The following TIMP2 variants were observed in gnomAD, a reference collection of about 807,000 sequenced individuals.
TIMP2 encodes metalloproteinase inhibitor 2.
A neutral mutation model predicts 24.3 loss-of-function variants in TIMP2; 5 were observed. The observed-to-expected ratio is 0.21, with a 90% CI of 0.11 to 0.43. The LOEUF (loss-of-function observed/expected upper bound fraction) is 0.43. Among genes scored for constraint, TIMP2 ranks in the 20% least tolerant of loss-of-function variants. The probability of loss-of-function intolerance (pLI) is 1.00; values close to 1 mark genes in which losing one functional copy is unlikely to be tolerated. For missense variants in TIMP2, 221 were observed against 297.5 expected (o/e 0.74, Z 1.89); for synonymous variants, 130 against 123.2 (o/e 1.06, Z -0.37).
chr17:78,871,666 G>A (rs886076827), intron 2 of TIMP2, among the ~76,000 whole-genome samples: 2 of 151,144 alleles, frequency 1.3e-5, no homozygotes, highest in East Asian at 4.0e-4. Context: ...CTAACATGGT[G>A]AAACCCTGTC....
Position 78,890,758 on chromosome 17 carries a change from G to A in TIMP2, c.131-16839C>T, listed in dbSNP as rs571031295. On this transcript the variant is annotated intron_variant, in intron 1 of 4. Coordinates refer to ENST00000262768, the MANE Select transcript of TIMP2 (RefSeq NM_003255.5). ...CTCGGATCATCTGACTGTGCCGGTC[G>A]TCGTCGGCGAGGCTGGTGCCCGATG... 1.4e-5 allele frequency: 21 copies of A among 1,550,628 alleles called. No homozygotes were observed. The Admixed American group carries it at 2.0e-4, about 14-fold the overall frequency.
At position 78,891,955 on chromosome 17, in the gene TIMP2, C is replaced by G. The variant is rs1008258771; in HGVS notation, c.131-18036G>C. 1.3e-6 allele frequency: 2 copies of G among 1,550,486 alleles called. No homozygotes were observed. The highest frequency in any genetic ancestry group is 2.7e-5 in the African/African-American group (2 of 73,040). Reference sequence around the variant, plus strand: ...AGTGCCTGGGGTGTTGCTGGCCCAACTCTTCCCTGCAACTCCTCTCTTCAC... The same window carrying G: ...AGTGCCTGGGGTGTTGCTGGCCCAAGTCTTCCCTGCAACTCCTCTCTTCAC... On this transcript the variant is annotated intron_variant, in intron 1 of 4. Coordinates refer to ENST00000262768, the MANE Select transcript of TIMP2 (RefSeq NM_003255.5). The surrounding 1 kb of genome is among the most constrained non-coding windows in gnomAD (Gnocchi z 4.5).
chr17:78,913,138 C>T (rs532763653), intron 1 of TIMP2, among the ~76,000 whole-genome samples: 7 of 152,254 alleles, frequency 4.6e-5, no homozygotes, highest in South Asian at 2.1e-4. Flanking sequence ...GTTTGCCAAC[C>T]GCTGGAAAAA....
rs536768759 is a variant in TIMP2, at chr17:78,874,146, A to G, written c.131-227T>C. The G allele has an allele frequency of 4.0e-5, 20 of 503,772 alleles. No individual in the cohort carries two copies. In the South Asian group the frequency reaches 5.7e-4, roughly 14 times the overall value. The allele number at this position is 503,772 out of a possible 1,614,324, so 31.2% of individuals were successfully genotyped here. On this transcript the variant is annotated intron_variant, in intron 1 of 4. Coordinates refer to ENST00000262768, the MANE Select transcript of TIMP2 (RefSeq NM_003255.5). Reference sequence around the variant, plus strand: ...CTCCTCCTCCTTCCACGATTCTTCAACAAGAATCCCTTCTTTGTTGACAGG... The same window carrying G: ...CTCCTCCTCCTTCCACGATTCTTCAGCAAGAATCCCTTCTTTGTTGACAGG...
chr17:78,855,727 A>G lies in TIMP2; in HGVS notation c.603T>C (p.Cys201=). The stretch of plus-strand genomic sequence containing the variant: ...GGGGCGCCGCGCCGCGGTACCACGC[A>G]CAGGAGCCGTCACTTCTCTTGATGC... ...FACIKRSDGS[C]AWYRGAAPPK... The change falls in exon 5 of 5, where the codon TGT becomes TGC. Residue 201 remains cysteine, a synonymous_variant. Coordinates refer to ENST00000262768, the MANE Select transcript of TIMP2 (RefSeq NM_003255.5). This position sits in a 1 kb window ranked among gnomAD's most constrained non-coding sequence, Gnocchi z 6.0. 1 of 1,614,176 alleles carries G rather than the reference A, an allele frequency of 6.2e-7. No individual in the cohort carries two copies.
chr17:78,874,238 T>C, intron 1 of TIMP2: 1 of 325,712 alleles, frequency 3.1e-6, no homozygotes. Context: ...GAGGCAGTCA[T>C]TGATTTGACT....
chr17:78,904,081 C>T (rs2070133249), intron 1 of TIMP2: 1 of 47,868 alleles, frequency 2.1e-5, no homozygotes, highest in Non-Finnish European at 4.2e-5. Flanking sequence ...CCACCATGCC[C>T]AGCTAATTTA....
rs188981011 is a variant in TIMP2 at position 78,853,609 on chromosome 17, C to T, written c.*2058G>A. The T allele has an allele frequency of 1.6e-4, 25 of 152,720 alleles. No homozygotes were observed. The highest frequency in any genetic ancestry group is 6.0e-4 in the African/African-American group (25 of 41,568). The allele number at this position is 152,720 out of a possible 1,614,324, so 9.5% of individuals were successfully genotyped here. A position where few individuals can be genotyped will look rare whatever the true frequency, so the allele number is the denominator to read the frequency against. On this transcript the variant is annotated 3_prime_UTR_variant, in exon 5 of 5. Transcript: ENST00000262768. ...AATGAAAGCAAAGATGCTCAAAGAA[C>T]CAAAGGAAAGACCTGAAGGAATCCA...
intron 1 of TIMP2, among the ~76,000 whole-genome samples, chr17:78,901,530 C>T (rs1200706687): frequency 2.0e-5 from 3 of 151,926 alleles, no homozygotes; most frequent in South Asian, 2.1e-4. Flanking sequence ...GGCCCACTGA[C>T]CAAAGGTCCT....
At position 78,857,632 on chromosome 17, in the gene TIMP2, C is replaced by A. The variant is rs141084603; in HGVS notation, c.355G>T (p.Asp119Tyr). 131 of 1,614,170 alleles carry A rather than the reference C, an allele frequency of 8.1e-5. No individual in the cohort carries two copies. In the African/African-American group the frequency reaches 1.4e-3, roughly 17 times the overall value. Residue 119 changes from aspartate (D) to tyrosine (Y), a missense_variant, in exon 4 of 5, where the codon GAC becomes TAC. By Grantham distance (160) the Asp-to-Tyr change is radical. Transcript: ENST00000262768. ...CAGAGGGTGATGTGCATCTTGCCGT[C>A]CCCCTCGGCCTTTCCTGCGGAGAGA... ...EYLIAGKAEG[D>Y]GKMHITLCDF... is the part of the protein sequence containing the mutation.
intron 1 of TIMP2, among the ~76,000 whole-genome samples, chr17:78,882,944 G>A (rs760237005): frequency 5.9e-5 from 9 of 152,222 alleles, no homozygotes; most frequent in African/African-American, 2.4e-5. Flanking sequence ...GCCCTTCCTC[G>A]GCCCCTTCAT....
intron 1 of TIMP2, among the ~76,000 whole-genome samples, chr17:78,876,179 G>A (rs1334145330): frequency 6.6e-6 from 1 of 151,834 alleles, no homozygotes; most frequent in Non-Finnish European, 1.5e-5. Flanking sequence ...ATCCTTGGCT[G>A]CCCCCTGCCC....
chr17:78,918,715 T>C (rs532566712), intron 1 of TIMP2, among the ~76,000 whole-genome samples: 4 of 152,090 alleles, frequency 2.6e-5, no homozygotes, highest in African/African-American at 7.2e-5. Flanking sequence ...AAAGTATATA[T>C]AGGCCGGGCA....
intron 3 of TIMP2, among the ~76,000 whole-genome samples, chr17:78,864,984 G>A (rs918968023): frequency 6.6e-6 from 1 of 152,110 alleles, no homozygotes; most frequent in Non-Finnish European, 1.5e-5. Context: ...AACCTGGGGG[G>A]CGGAAGTTGC....
At chr17:78,909,907 C>T (rs1174365206) in intron 1 of TIMP2, among the ~76,000 whole-genome samples, 1 of 152,142 alleles carries the variant, frequency 6.6e-6, no homozygotes, top group Non-Finnish European at 1.5e-5. Context: ...GGCAGAGTCA[C>T]ACAACCGGAG....
At chr17:78,867,321 G>T (rs771603389) in intron 3 of TIMP2, among the ~76,000 whole-genome samples, 6 of 152,140 alleles carry the variant, frequency 3.9e-5, no homozygotes, top group Non-Finnish European at 8.8e-5. Flanking sequence ...ATCTTAAAAG[G>T]GGGGGAAGTC....
chr17:78,901,836 A>C (rs1370015098), intron 1 of TIMP2: 1 of 709,492 alleles, frequency 1.4e-6, no homozygotes, highest in Non-Finnish European at 2.6e-6. Context: ...CATTACAGGG[A>C]GGCAGAAGCT....
chr17:78,873,309 T>A (rs542951191), intron 2 of TIMP2, among the ~76,000 whole-genome samples: 15,856 of 108,740 alleles, frequency 0.15, 1,084 homozygotes, highest in African/African-American at 0.22. Flanking sequence ...ACATATTTTT[T>A]TTTTTTTTTT....
chr17:78,883,839 C>T (rs1381033318), intron 1 of TIMP2, among the ~76,000 whole-genome samples: 1 of 152,250 alleles, frequency 6.6e-6, no homozygotes, highest in Non-Finnish European at 1.5e-5. Flanking sequence ...GGCCCTGCCC[C>T]CTCCCTCTGC....
Sources: allele counts gnomAD v4.1 joint callset (sites outside exome capture counted in the v4.1 genomes callset), GRCh38; gene constraint gnomAD v4.1.1; non-coding constraint Gnocchi (gnomAD v3.1); transcripts MANE v1.5; gene names NCBI Gene and HGNC (gene_info 2026-07-23, HGNC 2026-07-21).